BRD10: variants seen among roughly 807,000 people sequenced by gnomAD.
BRD10 encodes the protein bromodomain containing 10, also known as uncharacterized bromodomain-containing protein 10.
the BRD10 span, among the ~76,000 whole-genome samples, chr9:5,902,182 A>G: frequency 6.6e-6 from 1 of 152,174 alleles, no homozygotes; most frequent in Non-Finnish European, 1.5e-5. Context: ...CAATTTTTAT[A>G]ATAGATATAA....
the BRD10 span, chr9:5,908,559 G>A: frequency 8.3e-7 from 1 of 1,198,840 alleles, no homozygotes; most frequent in Admixed American, 1.8e-5. Flanking sequence ...GTATAAATAT[G>A]TTAACTATTT....
At chr9:5,887,074 A>C in the BRD10 span, among the ~76,000 whole-genome samples, 142,641 of 152,162 alleles carry the variant, frequency 0.94, 67,230 homozygotes, top group Non-Finnish European at 0.99. Context: ...GCCTGGCCAA[A>C]ATAGCAAAAT....
At chr9:5,955,358 C>G in the BRD10 span, among the ~76,000 whole-genome samples, 3 of 152,122 alleles carry the variant, frequency 2.0e-5, no homozygotes, top group South Asian at 6.2e-4. Context: ...CAATCATTTG[C>G]AGACTAAAAT....
the BRD10 span, among the ~76,000 whole-genome samples, chr9:5,905,414 G>C: frequency 6.6e-6 from 1 of 152,148 alleles, no homozygotes; most frequent in South Asian, 2.1e-4. Context: ...GAGATTACAG[G>C]ACTGACAGAA....
the BRD10 span, among the ~76,000 whole-genome samples, chr9:5,974,559 CAG>C: frequency 2.0e-5 from 3 of 152,090 alleles, no homozygotes; most frequent in Non-Finnish European, 4.4e-5. Flanking sequence ...TGCAGACAGA[CAG>C]AGAGTACCCA....
At chr9:5,903,814 A>G in the BRD10 span, among the ~76,000 whole-genome samples, 4 of 151,708 alleles carry the variant, frequency 2.6e-5, no homozygotes, top group African/African-American at 9.7e-5. Context: ...AGGAACTCCT[A>G]CTTTCTTTTC....
the BRD10 span, among the ~76,000 whole-genome samples, chr9:5,886,479 G>T: frequency 2.0e-5 from 3 of 152,214 alleles, no homozygotes; most frequent in East Asian, 5.8e-4. Context: ...AACCTATGAA[G>T]CAGATGCTGC....
chr9:5,982,285 C>A, the BRD10 span, among the ~76,000 whole-genome samples: 1 of 152,092 alleles, frequency 6.6e-6, no homozygotes, highest in Non-Finnish European at 1.5e-5. Context: ...AGACACTGGA[C>A]AAACAGTGCA....
chr9:5,924,638 A>T, the BRD10 span: 2 of 1,440,946 alleles, frequency 1.4e-6, no homozygotes, highest in Non-Finnish European at 1.8e-6. Context: ...GTTGACTTAA[A>T]AAAAAAGTTT....
the BRD10 span, chr9:5,921,042 C>T: frequency 1.9e-6 from 3 of 1,613,940 alleles, no homozygotes; most frequent in African/African-American, 4.0e-5. Context: ...ACTGAAAGCA[C>T]ATTTACTGCT....
the BRD10 span, chr9:5,919,720 C>A: frequency 1.1e-5 from 17 of 1,611,948 alleles, no homozygotes; most frequent in African/African-American, 1.9e-4. Flanking sequence ...CTAAGCCCGA[C>A]GACTGAAAAG....
chr9:5,939,249 T>C, the BRD10 span, among the ~76,000 whole-genome samples: 10 of 152,148 alleles, frequency 6.6e-5, no homozygotes, highest in African/African-American at 2.2e-4. Flanking sequence ...AACACTACTA[T>C]TACATGTGTA....
At chr9:5,913,325 A>C in the BRD10 span, among the ~76,000 whole-genome samples, 1 of 152,184 alleles carries the variant, frequency 6.6e-6, no homozygotes, top group Non-Finnish European at 1.5e-5. Flanking sequence ...AAAAGAACAG[A>C]AGGGAGTCTC....
the BRD10 span, among the ~76,000 whole-genome samples, chr9:5,930,118 T>TG: frequency 1.6e-4 from 22 of 141,064 alleles, no homozygotes; most frequent in African/African-American, 5.2e-4. Context: ...ATAATCATGT[T>TG]GGGTTTTTTT....
At chr9:5,995,071 C>T in the BRD10 span, among the ~76,000 whole-genome samples, 1 of 151,926 alleles carries the variant, frequency 6.6e-6, no homozygotes, top group Non-Finnish European at 1.5e-5. Context: ...GGCTAATTTT[C>T]AGCATTTTCA....
the BRD10 span, among the ~76,000 whole-genome samples, chr9:5,995,524 T>G: frequency 1.3e-5 from 2 of 152,340 alleles, no homozygotes; most frequent in Admixed American, 1.3e-4. Flanking sequence ...CTGAGGAACA[T>G]CTAAACTGCT....
chr9:5,886,840 C>T, the BRD10 span, among the ~76,000 whole-genome samples: 302 of 152,272 alleles, frequency 2.0e-3, no homozygotes, highest in African/African-American at 7.0e-3. Flanking sequence ...TTTGAAGAAG[C>T]GATCGCCAGC....
chr9:5,963,742 A>T, the BRD10 span, among the ~76,000 whole-genome samples: 1 of 152,186 alleles, frequency 6.6e-6, no homozygotes, highest in Non-Finnish European at 1.5e-5. Flanking sequence ...GCCCTCAGAA[A>T]TAATGCCGCA....
At chr9:5,939,284 G>A in the BRD10 span, among the ~76,000 whole-genome samples, 662 of 152,150 alleles carry the variant, frequency 4.4e-3, 6 homozygotes, top group Middle Eastern at 0.014. Flanking sequence ...AACATTATAT[G>A]TAGTTTTATA....
Sources: gnomAD v4.1 joint callset for allele counts (sites outside exome capture counted in the v4.1 genomes callset) on GRCh38, gnomAD v4.1.1 for gene constraint, MANE v1.5 for transcripts, NCBI Gene and HGNC (gene_info 2026-07-23, HGNC 2026-07-21) for gene names.